Variants in CEP112 observed in about 807,000 individuals in gnomAD.
CEP112 encodes centrosomal protein of 112 kDa.
CEP112 carries 127 observed loss-of-function variants against 153.0 expected under a neutral mutation model. The ratio of observed to expected loss-of-function variants is 0.83; its 90% CI spans 0.72 to 0.96. CEP112 has a LOEUF of 0.96. CEP112 is among the 40% of genes least tolerant of loss of function. CEP112 has a pLI of 0.00. For missense variants in CEP112, 1,089 were observed against 1,101.2 expected, an observed-to-expected ratio of 0.99 and a Z score of 0.16; for synonymous variants, 358 against 374.4, an observed-to-expected ratio of 0.96 and a Z score of 0.51.
chr17:65,971,740 G>C (rs944864147), intron 17 of CEP112, among the ~76,000 whole-genome samples: 1 of 152,014 alleles, frequency 6.6e-6, no homozygotes, highest in African/African-American at 2.4e-5. Context: ...CAGGTATATT[G>C]CTCTAACAAC....
intron 12 of CEP112, among the ~76,000 whole-genome samples, chr17:66,037,216 GTTAGC>G (rs1490638545): frequency 1.3e-5 from 2 of 152,138 alleles, no homozygotes; most frequent in Admixed American, 6.5e-5. Flanking sequence ...ATATACTTTA[GTTAGC>G]TTAGATTAAT....
intron 22 of CEP112, among the ~76,000 whole-genome samples, chr17:65,745,239 TAAC>T (rs1555637569): frequency 6.6e-6 from 1 of 152,316 alleles, no homozygotes; most frequent in Admixed American, 6.5e-5. Flanking sequence ...AAATATATAA[TAAC>T]AACATGTCAA....
In CEP112 at chr17:65,851,950, C is replaced by G; in HGVS notation, c.2248G>C (p.Glu750Gln). The change falls in exon 21 of 27, where the codon GAG (glutamate) becomes CAG (glutamine). Residue 750 changes from glutamate to glutamine, a missense_variant. Physicochemically the swap from Glu to Gln is conservative, Grantham distance 29. Transcript: ENST00000535342. ...TCCTCTTCACGAAGAAGACCAAGCT[C>G]TACCAGCTGCTGTTTCCGCTGTGAG... ...VNSQRKQQLVELGLLREEEKQ... is the reference protein window; with the variant it reads ...VNSQRKQQLVQLGLLREEEKQ... 6.2e-7 allele frequency: 1 copy of G among 1,614,144 alleles called. No individual in the cohort carries two copies. Among genetic ancestry groups the G allele is most frequent in the South Asian group, 1.1e-5 (1 of 91,080 alleles).
At chr17:66,106,141 G>T (rs1488653271) in intron 6 of CEP112, among the ~76,000 whole-genome samples, 1 of 151,810 alleles carries the variant, frequency 6.6e-6, no homozygotes, top group East Asian at 1.9e-4. Flanking sequence ...AAAATCTATG[G>T]GATACAGTAA....
chr17:66,131,179 T>C (rs1031007875), intron 5 of CEP112, among the ~76,000 whole-genome samples: 3 of 152,192 alleles, frequency 2.0e-5, no homozygotes, highest in Admixed American at 6.5e-5. Context: ...AGTTTCTACA[T>C]TTCTTTTCAA....
At position 65,875,169 on chromosome 17, in the gene CEP112, T is replaced by C. The variant is rs185160895; in HGVS notation, c.2164-23135A>G. ...ATCTCCAAATTTCTCTGAAAAAAAA[T>C]TGATGATGAATTATTTAGTCAGAAA... On this transcript the variant is annotated intron_variant, in intron 20 of 26. Coordinates refer to ENST00000535342, the MANE Select transcript of CEP112 (RefSeq NM_001199165.4). 3.1e-3 allele frequency among the ~76,000 whole-genome samples: 475 copies of C among 152,010 alleles called. 4 individuals carry two copies. The highest frequency in any genetic ancestry group is 0.011 in the African/African-American group (438 of 41,506).
At chr17:65,717,385 C>T (rs879904692) in intron 23 of CEP112, among the ~76,000 whole-genome samples, 3 of 152,082 alleles carry the variant, frequency 2.0e-5, no homozygotes, top group Admixed American at 1.3e-4. Flanking sequence ...GAGAAGATTC[C>T]GCCCCTCACC....
At chr17:65,681,066 A>T (rs976642261) in intron 24 of CEP112, among the ~76,000 whole-genome samples, 2 of 152,224 alleles carry the variant, frequency 1.3e-5, no homozygotes, top group Non-Finnish European at 2.9e-5. Context: ...GCAAAGGCAC[A>T]GATAGATAAA....
At chr17:65,696,410 A>G (rs2048358235) in intron 23 of CEP112, among the ~76,000 whole-genome samples, 2 of 152,128 alleles carry the variant, frequency 1.3e-5, no homozygotes, top group South Asian at 4.1e-4. Context: ...CTTGAATGCT[A>G]TAGTGTTCTG....
chr17:65,895,537 G>A (rs1423852440), intron 20 of CEP112, among the ~76,000 whole-genome samples: 1 of 152,036 alleles, frequency 6.6e-6, no homozygotes, highest in African/African-American at 2.4e-5. Flanking sequence ...GCTCAGCAGG[G>A]GAGCAGAGTA....
intron 4 of CEP112, among the ~76,000 whole-genome samples, chr17:66,168,806 A>C (rs1598483762): frequency 6.6e-6 from 1 of 151,878 alleles, no homozygotes; most frequent in Non-Finnish European, 1.5e-5. Context: ...CCAACTACAA[A>C]CCCCAACATC....
At chr17:66,185,517 C>T (rs1284053753) in intron 1 of CEP112, among the ~76,000 whole-genome samples, 6 of 152,134 alleles carry the variant, frequency 3.9e-5, no homozygotes, top group South Asian at 2.1e-4. Context: ...CACTGCGCCC[C>T]GCCAAATTTA....
intron 21 of CEP112, among the ~76,000 whole-genome samples, chr17:65,831,253 T>A (rs1419904785): frequency 6.6e-6 from 1 of 152,168 alleles, no homozygotes; most frequent in African/African-American, 2.4e-5. Context: ...AGAATAATAC[T>A]TTCAAAGAAT....
chr17:65,899,421 A>G lies in CEP112; in HGVS notation c.2163+2731T>C, dbSNP rs549975582. On this transcript the variant is annotated intron_variant, in intron 20 of 26. Transcript: ENST00000535342. ...GACAAAATAATTACCTAACTGAACC[A>G]AATAAAATGAGGAGACTACTTCATT... Among the ~76,000 whole-genome samples the G allele has an allele frequency of 2.6e-5, 4 of 152,254 alleles. No individual in the cohort carries two copies. The East Asian group carries it at 7.7e-4, about 29-fold the overall frequency.
At chr17:65,809,046 C>A (rs1568045661) in intron 21 of CEP112, among the ~76,000 whole-genome samples, 1 of 152,126 alleles carries the variant, frequency 6.6e-6, no homozygotes, top group Non-Finnish European at 1.5e-5. Flanking sequence ...TTGGACTTCC[C>A]ATCCTCCAGA....
intron 24 of CEP112, among the ~76,000 whole-genome samples, chr17:65,665,896 G>A (rs574876714): frequency 7.2e-5 from 11 of 152,144 alleles, no homozygotes; most frequent in South Asian, 6.2e-4. Flanking sequence ...AGGGCCACTC[G>A]ATTTAAACTC....
intron 6 of CEP112, among the ~76,000 whole-genome samples, chr17:66,114,279 A>AT (rs773140005): frequency 2.7e-4 from 41 of 152,052 alleles, no homozygotes; most frequent in Middle Eastern, 3.4e-3. Context: ...TATTTTGTTT[A>AT]TTTTTTTTAG....
intron 18 of CEP112, among the ~76,000 whole-genome samples, chr17:65,947,183 C>T (rs1466281368): frequency 6.6e-6 from 1 of 152,028 alleles, no homozygotes; most frequent in Non-Finnish European, 1.5e-5. Flanking sequence ...ATTGGGCTAC[C>T]TTAGATGACT....
chr17:65,973,089 T>C (rs1243086848), intron 17 of CEP112, among the ~76,000 whole-genome samples: 1 of 152,198 alleles, frequency 6.6e-6, no homozygotes, highest in African/African-American at 2.4e-5. Context: ...GAATCCTTAC[T>C]TCTTCCCAGT....
Sources: gnomAD v4.1 joint callset for allele counts (sites outside exome capture counted in the v4.1 genomes callset) on GRCh38, gnomAD v4.1.1 for gene constraint, MANE v1.5 for transcripts, NCBI Gene and HGNC (gene_info 2026-07-23, HGNC 2026-07-21) for gene names.